Variants in PRPF8 observed in about 807,000 individuals in gnomAD.
PRPF8 encodes pre-mRNA processing factor 8.
Under a neutral mutation model 285.9 loss-of-function variants are expected in PRPF8, and 64 were observed. That is an observed-to-expected ratio of 0.22 (90% CI 0.18 to 0.28). PRPF8 has a LOEUF of 0.28. Among genes scored for constraint, PRPF8 ranks in the 10% least tolerant of loss-of-function variants. The probability of loss-of-function intolerance (pLI) is 1.00; values close to 1 mark genes in which losing one functional copy is unlikely to be tolerated. For synonymous variants in PRPF8, 1,325 were observed against 1,118.2 expected (o/e 1.18, Z -3.69); for missense variants, 1,426 against 3,026.7 (o/e 0.47, Z 12.41).
chr17:1,654,648 C>G (rs949312126), intron 37 of PRPF8: 9 of 175,686 alleles, frequency 5.1e-5, no homozygotes, highest in African/African-American at 1.2e-4. Context: ...TCCTTGTTTT[C>G]AAGACAAGAG....
At position 1,651,518 on chromosome 17, in the gene PRPF8, G is replaced by C. The variant is rs1382614719; in HGVS notation, c.6546C>G (p.Pro2182=). Residue 2182 remains proline (P), a synonymous_variant, in exon 41 of 43, where the codon CCC becomes CCG. Transcript: ENST00000304992. The surrounding 1 kb of genome is among the most constrained non-coding windows in gnomAD (Gnocchi z 5.1). ...GGGGTGATAACTGCGGGGACTCATTGGGCTGAGTGTGGATCCAACCTAAGG... is the reference window on the plus strand; with the variant it reads ...GGGGTGATAACTGCGGGGACTCATTCGGCTGAGTGTGGATCCAACCTAAGG... ...MEPLGWIHTQ[P]NESPQLSPQD... 5 of 1,614,138 alleles carry C rather than the reference G, an allele frequency of 3.1e-6. No homozygotes were observed. The East Asian group carries it at 1.1e-4, about 36-fold the overall frequency.
intron 3 of PRPF8, among the ~76,000 whole-genome samples, chr17:1,682,804 C>T (rs1488834878): frequency 6.6e-6 from 1 of 152,124 alleles, no homozygotes; most frequent in Non-Finnish European, 1.5e-5. Flanking sequence ...CCAAATAGAA[C>T]AGGAATCTGC....
chr17:1,674,356 A>G (rs1311406933), intron 21 of PRPF8, 86 bp downstream of exon 21: 2 of 1,370,328 alleles, frequency 1.5e-6, no homozygotes, highest in Admixed American at 3.4e-5. Context: ...ACAGCAGTTA[A>G]GTCAACTCAG....
intron 36 of PRPF8, among the ~76,000 whole-genome samples, chr17:1,656,082 G>A (rs928908931): frequency 6.6e-5 from 10 of 151,918 alleles, no homozygotes; most frequent in African/African-American, 1.2e-4. Flanking sequence ...CAGCACACTC[G>A]GCTAATTTTG....
rs763198329 is a variant in PRPF8 at position 1,655,557 on chromosome 17, T to C, written c.5794-14A>G. 6 of 1,601,094 alleles carry C rather than the reference T, an allele frequency of 3.7e-6. No homozygotes were observed. The highest frequency in any genetic ancestry group is 4.3e-6 in the Non-Finnish European group (5 of 1,168,256). ...ACGGGAGAAGGCCTGGGAAAAGATT[T>C]GGAAGAGTGGGGTAGGTCAGCTGCT... is the stretch of plus-strand genomic sequence containing the variant. On this transcript the variant is annotated splice_polypyrimidine_tract_variant and intron_variant, in intron 36 of 42. Coordinates refer to ENST00000304992, the MANE Select transcript of PRPF8 (RefSeq NM_006445.4).
chr17:1,658,379 G>A lies in PRPF8; in HGVS notation c.5379C>T (p.Thr1793=), dbSNP rs760178816. ...TNVYRVTIHK[T]FEGNLTTKPI... The stretch of plus-strand genomic sequence containing the variant: ...GCTTGGTTGTCAAGTTCCCTTCAAA[G>A]GTCTAGAGGAGGACGGCATTCGTTA... The change falls in exon 34 of 43, where the codon ACC becomes ACT. Residue 1793 remains threonine, a splice_region_variant and synonymous_variant. Coordinates refer to ENST00000304992, the MANE Select transcript of PRPF8 (RefSeq NM_006445.4). This position sits in a 1 kb window ranked among gnomAD's most constrained non-coding sequence, Gnocchi z 4.1. The A allele has an allele frequency of 1.2e-6, 2 of 1,614,032 alleles. No homozygotes were observed. Among genetic ancestry groups the A allele is most frequent in the South Asian group, 1.1e-5 (1 of 91,088 alleles).
At position 1,653,712 on chromosome 17, in the gene PRPF8, G is replaced by A. The variant is rs768639714; in HGVS notation, c.6228-29C>T. On this transcript the variant is annotated intron_variant, in intron 38 of 42. Coordinates refer to ENST00000304992, the MANE Select transcript of PRPF8 (RefSeq NM_006445.4). The surrounding 1 kb of genome is among the most constrained non-coding windows in gnomAD (Gnocchi z 4.9). ...AAAACAGGCAGGGAGTGTCAGCATCGCTCAGCCCAGCACCTTAGGTAGTGC... is the reference window on the plus strand; with the variant it reads ...AAAACAGGCAGGGAGTGTCAGCATCACTCAGCCCAGCACCTTAGGTAGTGC... 4.3e-5 allele frequency: 70 copies of A among 1,613,964 alleles called. No individual in the cohort carries two copies. The Admixed American group carries it at 6.0e-4, about 14-fold the overall frequency.
Position 1,682,046 on chromosome 17 carries a change from G to A in PRPF8, c.435-8C>T. 6.2e-7 allele frequency: 1 copy of A among 1,613,798 alleles called. No individual in the cohort carries two copies. Among genetic ancestry groups the A allele is most frequent in the Non-Finnish European group, 8.5e-7 (1 of 1,179,946 alleles). ...ATCATAATCCACATTGACCTGGAAG[G>A]CAAGACATCACACAACCATTTCTAC... On this transcript the variant is annotated splice_region_variant and splice_polypyrimidine_tract_variant and intron_variant, in intron 4 of 42. Coordinates refer to ENST00000304992, the MANE Select transcript of PRPF8 (RefSeq NM_006445.4).
chr17:1,663,321 C>T (rs906029633), intron 24 of PRPF8, among the ~76,000 whole-genome samples: 7 of 151,766 alleles, frequency 4.6e-5, no homozygotes, highest in African/African-American at 7.3e-5. Flanking sequence ...AAGAGTAAGA[C>T]GGTAGATTTA....
intron 1 of PRPF8, 61 bp downstream of exon 1, chr17:1,684,719 G>C (rs1913148624): frequency 1.2e-6 from 1 of 814,114 alleles, no homozygotes; most frequent in East Asian, 2.7e-5. Context: ...TAACCCCTTC[G>C]GTCACTCGGC....
At chr17:1,684,658 G>C in intron 1 of PRPF8, 76 bp from the exon 2 acceptor site, 1 of 1,388,958 alleles carries the variant, frequency 7.2e-7, no homozygotes, top group Non-Finnish European at 1.0e-6. Flanking sequence ...AAGGCGTCCG[G>C]GGACCCCGGC....
At chr17:1,681,326 C>T (rs1912910815) in intron 6 of PRPF8, 152 bp downstream of exon 6, 1 of 1,040,064 alleles carries the variant, frequency 9.6e-7, no homozygotes, top group Non-Finnish European at 1.5e-6. Flanking sequence ...AGCAATCCTC[C>T]TGCCTCAGCT....
rs752363276 is a variant in PRPF8 at position 1,655,250 on chromosome 17, G to A, written c.5987+100C>T. 286 of 1,357,234 alleles carry A rather than the reference G, an allele frequency of 2.1e-4. 1 individual carries two copies. The highest frequency in any genetic ancestry group is 9.9e-4 in the African/African-American group (69 of 69,572). 84.1% of individuals were successfully genotyped at this position (1,357,234 alleles called of 1,614,324 possible). On this transcript the variant is annotated intron_variant, in intron 37 of 42. Transcript: ENST00000304992. Reference sequence around the variant, plus strand: ...TGGGATTACAGGCATGAGCCACCGCGCCTGGCCTTCTTGAGAAACTTCTAA... The same window carrying A: ...TGGGATTACAGGCATGAGCCACCGCACCTGGCCTTCTTGAGAAACTTCTAA...
rs530619793 is a variant in PRPF8, at chr17:1,680,571, G to A, written c.1098+155C>T. The A allele has an allele frequency of 1.1e-5, 8 of 748,528 alleles. No homozygotes were observed. The South Asian group carries it at 1.2e-4, about 11-fold the overall frequency. 46.4% of individuals were successfully genotyped at this position (748,528 alleles called of 1,614,324 possible). ...GATTATACCAATGACATGTTTTAAA[G>A]CAAATGCTGAATTCTCATATTCGCT... On this transcript the variant is annotated intron_variant, in intron 8 of 42. Coordinates refer to ENST00000304992, the MANE Select transcript of PRPF8 (RefSeq NM_006445.4).
Position 1,681,515 on chromosome 17 carries a change from G to T in PRPF8, c.829C>A (p.Pro277Thr). The T allele has an allele frequency of 1.9e-6, 3 of 1,611,154 alleles. No homozygotes were observed. Among genetic ancestry groups the T allele is most frequent in the Non-Finnish European group, 2.5e-6 (3 of 1,177,400 alleles). The change falls in exon 6 of 43, where the codon CCC becomes ACC. Residue 277 changes from proline (P) to threonine (T), a missense_variant. Pro to Thr is a conservative substitution (Grantham distance 38). Coordinates refer to ENST00000304992, the MANE Select transcript of PRPF8 (RefSeq NM_006445.4). ...KALNMAIPGG[P>T]KFEPLVRDIN... ...TCTCGAACAAGAGGTTCAAATTTGG[G>T]GCCTCCAGGAATGGCCATATTGAGT... is the stretch of plus-strand genomic sequence containing the variant.
In PRPF8 at chr17:1,679,596, G is replaced by C; in HGVS notation, c.1289+13C>G. On this transcript the variant is annotated intron_variant, in intron 9 of 42. Coordinates refer to ENST00000304992, the MANE Select transcript of PRPF8 (RefSeq NM_006445.4). This position sits in a 1 kb window ranked among gnomAD's most constrained non-coding sequence, Gnocchi z 4.7. ...TCCACTATCATTCCCCCTGCCACAG[G>C]GAAAAACCTTACCAGTTCTTGACAA... 6.2e-7 allele frequency: 1 copy of C among 1,612,882 alleles called. No individual in the cohort carries two copies. Among genetic ancestry groups the C allele is most frequent in the Non-Finnish European group, 8.5e-7 (1 of 1,179,902 alleles).
intron 24 of PRPF8, among the ~76,000 whole-genome samples, chr17:1,664,973 T>C (rs1472948253): frequency 6.7e-6 from 1 of 149,140 alleles, no homozygotes; most frequent in Non-Finnish European, 1.5e-5. Flanking sequence ...CTGGCCAACA[T>C]GGTAAAAACC....
At chr17:1,662,547 C>T (rs181050153) in intron 24 of PRPF8, among the ~76,000 whole-genome samples, 1 of 151,652 alleles carries the variant, frequency 6.6e-6, no homozygotes. Context: ...TGAGATTGTG[C>T]CACTGCATTC....
chr17:1,665,564 C>T (rs1397481164), intron 24 of PRPF8, among the ~76,000 whole-genome samples: 2 of 148,952 alleles, frequency 1.3e-5, no homozygotes, highest in African/African-American at 2.5e-5. Context: ...GAAAGGTCAG[C>T]TGGGCACGGT....
Sources: allele counts gnomAD v4.1 joint callset (sites outside exome capture counted in the v4.1 genomes callset), GRCh38; gene constraint gnomAD v4.1.1; non-coding constraint Gnocchi (gnomAD v3.1); transcripts MANE v1.5; gene names NCBI Gene and HGNC (gene_info 2026-07-23, HGNC 2026-07-21).